The following TMTC4 variants were observed in gnomAD, a reference collection of about 807,000 sequenced individuals.
TMTC4 encodes the protein protein O-mannosyl-transferase TMTC4.
TMTC4 carries 65 observed loss-of-function variants against 86.0 expected under a neutral mutation model. The ratio of observed to expected loss-of-function variants is 0.76; its 90% confidence interval spans 0.62 to 0.93. The LOEUF is 0.93. TMTC4 is among the 40% of genes least tolerant of loss of function. TMTC4 has a pLI of 0.00. For synonymous variants in TMTC4, 379 were observed against 382.5 expected (o/e 0.99, Z 0.11); for missense variants, 866 against 948.1 (o/e 0.91, Z 1.14).
intron 1 of TMTC4, chr13:100,673,299 T>C (rs533781439): frequency 2.0e-6 from 2 of 985,400 alleles, no homozygotes; most frequent in African/African-American, 1.7e-5. Context: ...GTAAACAGAA[T>C]GGCGAGACCA....
intron 17 of TMTC4, among the ~76,000 whole-genome samples, chr13:100,606,848 C>G (rs993703260): frequency 3.9e-5 from 6 of 152,186 alleles, no homozygotes; most frequent in African/African-American, 1.4e-4. Flanking sequence ...CCCCAAGAAC[C>G]TACAACACTC....
At chr13:100,652,882 T>C (rs1566624789) in intron 6 of TMTC4, among the ~76,000 whole-genome samples, 1 of 152,254 alleles carries the variant, frequency 6.6e-6, no homozygotes, top group Non-Finnish European at 1.5e-5. Flanking sequence ...CTAGTCTTTG[T>C]ATCCCCAGCA....
At chr13:100,623,917 C>G (rs1043748091) in intron 15 of TMTC4, 21 of 493,120 alleles carry the variant, frequency 4.3e-5, no homozygotes, top group Non-Finnish European at 6.5e-5. Flanking sequence ...AAATTAGGGT[C>G]TTCCTTGGTG....
chr13:100,671,895 G>C (rs1887152432), intron 1 of TMTC4, among the ~76,000 whole-genome samples: 1 of 138,146 alleles, frequency 7.2e-6, no homozygotes, highest in African/African-American at 2.7e-5. Flanking sequence ...AAAAAAAAAA[G>C]CTACAATTTG....
intron 17 of TMTC4, among the ~76,000 whole-genome samples, chr13:100,607,807 G>A (rs1876899301): frequency 6.6e-6 from 1 of 152,116 alleles, no homozygotes. Context: ...TGTCATCCAA[G>A]AGGGACTTAA....
intron 3 of TMTC4, among the ~76,000 whole-genome samples, chr13:100,667,592 A>C (rs1469010990): frequency 6.6e-6 from 1 of 152,176 alleles, no homozygotes; most frequent in Admixed American, 6.6e-5. Flanking sequence ...GTTCTTCTCA[A>C]CATTTTCAGT....
At chr13:100,614,517 GA>G in intron 15 of TMTC4, 87 bp from the exon 16 acceptor site, 1 of 964,058 alleles carries the variant, frequency 1.0e-6, no homozygotes, top group East Asian at 2.6e-5. Flanking sequence ...AAAAAAGAAA[GA>G]AAAAGCCCAA....
Position 100,664,309 on chromosome 13 carries a change from C to T in TMTC4, c.247G>A (p.Asp83Asn). The T allele has an allele frequency of 1.2e-6, 2 of 1,610,536 alleles. No individual in the cohort carries two copies. The highest frequency in any genetic ancestry group is 1.1e-5 in the South Asian group (1 of 90,686). ...KDLQAETPLG[D>N]LWHHDFWGSR... ...CCCCAGAAGTCATGATGCCACAGGT[C>T]CCCCAGGGGCGTTTCTGCTTGGAGG... is the stretch of plus-strand genomic sequence containing the variant. The change falls in exon 4 of 19, where the codon GAC becomes AAC. Residue 83 changes from aspartate (D) to asparagine (N), a missense_variant. Asp to Asn is a conservative substitution (Grantham distance 23, BLOSUM62 1). Transcript: ENST00000342624.
At chr13:100,668,913 A>C in intron 2 of TMTC4, 119 bp from the exon 3 acceptor site, 3 of 1,076,176 alleles carry the variant, frequency 2.8e-6, no homozygotes, top group South Asian at 1.6e-5. Context: ...GGATGTGATC[A>C]GTAACAATTT....
chr13:100,649,190 G>A (rs74115008), intron 6 of TMTC4, among the ~76,000 whole-genome samples: 1 of 152,176 alleles, frequency 6.6e-6, no homozygotes, highest in Non-Finnish European at 1.5e-5. Flanking sequence ...AATGCTTCCA[G>A]TTCTGGAGGT....
intron 1 of TMTC4, chr13:100,674,255 G>A: frequency 2.0e-6 from 2 of 979,502 alleles, no homozygotes; most frequent in African/African-American, 1.8e-5. Flanking sequence ...CGCGGCGGGG[G>A]AGCCGCCGCG....
intron 12 of TMTC4, among the ~76,000 whole-genome samples, chr13:100,630,781 G>A (rs543907138): frequency 2.0e-5 from 3 of 152,240 alleles, no homozygotes; most frequent in African/African-American, 7.2e-5. Context: ...GAGTTCAACC[G>A]CCCTCTGCAG....
rs1885116026 is a variant in TMTC4 at position 100,656,428 on chromosome 13, A to G, written c.593T>C (p.Leu198Pro). Residue 198 changes from leucine to proline, a missense_variant, in exon 6 of 19, where the codon CTG (leucine) becomes CCG (proline). Transcript: ENST00000342624. ...VVGRADLLCA[L>P]FFLLSFLGYC... ...GCCAAGGAAAGATAACAAGAAGAAC[A>G]GGGCACACAGGAGGTCTGCACGGCC... is the stretch of plus-strand genomic sequence containing the variant. The G allele has an allele frequency of 6.2e-7, 1 of 1,613,194 alleles. No individual in the cohort carries two copies. Among genetic ancestry groups the G allele is most frequent in the Non-Finnish European group, 8.5e-7 (1 of 1,179,580 alleles).
rs928599131 is a variant in TMTC4, at chr13:100,606,735, G to A, written c.2065-308C>T. ...CGCCCAGGTCAGGGTGCGTGATGACGACAGGAGGCCCAGGGAACAGGAGAA... is the reference window on the plus strand; with the variant it reads ...CGCCCAGGTCAGGGTGCGTGATGACAACAGGAGGCCCAGGGAACAGGAGAA... On this transcript the variant is annotated intron_variant, in intron 17 of 18. Transcript: ENST00000342624. Among the ~76,000 whole-genome samples the A allele has an allele frequency of 3.3e-5, 5 of 152,146 alleles. No individual in the cohort carries two copies. The South Asian group carries it at 6.2e-4, about 19-fold the overall frequency.
At chr13:100,646,319 G>A (rs904816074) in intron 6 of TMTC4, among the ~76,000 whole-genome samples, 21 of 152,334 alleles carry the variant, frequency 1.4e-4, no homozygotes, top group African/African-American at 5.1e-4. Context: ...TATGTTCAGT[G>A]AGTGAAGTGA....
At chr13:100,664,383 C>G in intron 3 of TMTC4, 47 bp from the exon 4 acceptor site, 1 of 1,438,994 alleles carries the variant, frequency 6.9e-7, no homozygotes, top group Non-Finnish European at 9.4e-7. Flanking sequence ...CTCCCATCAG[C>G]CCTAAGCCAA....
chr13:100,646,141 C>T (rs963260509), intron 6 of TMTC4, among the ~76,000 whole-genome samples: 5 of 152,154 alleles, frequency 3.3e-5, no homozygotes, highest in African/African-American at 1.2e-4. Flanking sequence ...AGTAATCGGC[C>T]TTTAACAAGC....
chr13:100,664,443 C>T, intron 3 of TMTC4, 107 bp from the exon 4 acceptor site: 2 of 687,148 alleles, frequency 2.9e-6, no homozygotes, highest in Admixed American at 6.3e-5. Context: ...AGCGGGGATG[C>T]TGTGCCCAAC....
At chr13:100,670,066 A>G (rs779666392) in intron 2 of TMTC4, among the ~76,000 whole-genome samples, 8 of 152,208 alleles carry the variant, frequency 5.3e-5, no homozygotes, top group Non-Finnish European at 1.2e-4. Flanking sequence ...GCAGAGGCAC[A>G]GAATGATTTT....
Sources: gnomAD v4.1 joint callset for allele counts (sites outside exome capture counted in the v4.1 genomes callset) on GRCh38, gnomAD v4.1.1 for gene constraint, MANE v1.5 for transcripts, NCBI Gene and HGNC (gene_info 2026-07-23, HGNC 2026-07-21) for gene names.